The following FAM83G variants were observed in gnomAD, a reference collection of about 807,000 sequenced individuals.
FAM83G encodes scaffolding CK1 anchoring protein G, also known as protein FAM83G.
A neutral mutation model predicts 61.5 loss-of-function variants in FAM83G; 38 were observed. The observed-to-expected ratio is 0.62, with a 90% CI of 0.48 to 0.81. FAM83G has a LOEUF of 0.81. Among genes scored for constraint, FAM83G ranks in the 30% least tolerant of loss-of-function variants. The pLI, the probability that FAM83G is intolerant of heterozygous loss-of-function variation, is 0.00. For synonymous variants in FAM83G, 470 were observed against 476.1 expected (o/e 0.99, Z 0.17); for missense variants, 989 against 1,133.6 (o/e 0.87, Z 1.83).
Position 18,969,621 on chromosome 17 carries a change from GC to G in FAM83G, c.*1737del. ...TCAGGGACTGCCCTGGCTGGTAGAGGCTACCCACCCTGCTGCCCCGCTGTTA... is the reference window on the plus strand; with the variant it reads ...TCAGGGACTGCCCTGGCTGGTAGAGGTACCCACCCTGCTGCCCCGCTGTTA... On this transcript the variant is annotated 3_prime_UTR_variant, in exon 6 of 6. Coordinates refer to ENST00000388995, the MANE Select transcript of FAM83G (RefSeq NM_001039999.3). 1 of 536,670 alleles carries G rather than the reference GC, an allele frequency of 1.9e-6. No homozygotes were observed. Among genetic ancestry groups the G allele is most frequent in the Non-Finnish European group, 3.3e-6 (1 of 305,900 alleles). The allele number at this position is 536,670 out of a possible 1,614,324, so 33.2% of individuals were successfully genotyped here.
At chr17:18,986,780 G>A (rs2043281311) in intron 3 of FAM83G, among the ~76,000 whole-genome samples, 1 of 152,256 alleles carries the variant, frequency 6.6e-6, no homozygotes. Flanking sequence ...TGGGCCTGGG[G>A]CAGGGGTACG....
chr17:18,996,083 CA>C lies in FAM83G; in HGVS notation c.522+7436del, dbSNP rs914977991. Among the ~76,000 whole-genome samples, 30 of 150,278 alleles carry C rather than the reference CA, an allele frequency of 2.0e-4. 1 individual carries two copies. The highest frequency in any genetic ancestry group is 2.0e-3 in the Admixed American group (30 of 15,060). ...GGAACAAAGTAAGTGGACTTCTCAT[CA>C]GAATCACTGCAAGCCACAAGACAAC... On this transcript the variant is annotated intron_variant, in intron 2 of 5. Coordinates refer to ENST00000388995, the MANE Select transcript of FAM83G (RefSeq NM_001039999.3). The surrounding 1 kb of genome is among the most constrained non-coding windows in gnomAD (Gnocchi z 4.4).
rs561246041 is a variant in FAM83G, at chr17:18,971,125, CAT to C, written c.*232_*233del. The C allele has an allele frequency of 4.4e-4, 709 of 1,614,128 alleles. No homozygotes were observed. The highest frequency in any genetic ancestry group is 5.3e-4 in the South Asian group (48 of 91,086). On this transcript the variant is annotated 3_prime_UTR_variant, in exon 6 of 6. Transcript: ENST00000388995. The surrounding 1 kb of genome is among the most constrained non-coding windows in gnomAD (Gnocchi z 5.5). Reference sequence around the variant, plus strand: ...ACCTGCCACGTACAGACGCCATGCACATGTTTCGAGACCCCCACACAGGGGAC... The same window carrying C: ...ACCTGCCACGTACAGACGCCATGCACGTTTCGAGACCCCCACACAGGGGAC...
chr17:18,969,842 T>G lies in FAM83G; in HGVS notation c.*1517A>C, dbSNP rs2042796263. ...AATGCCAAGAGGTGATGCTACCTCC[T>G]GCAGGACAAAGGCCAGGGAGGAAAG... On this transcript the variant is annotated 3_prime_UTR_variant, in exon 6 of 6. Coordinates refer to ENST00000388995, the MANE Select transcript of FAM83G (RefSeq NM_001039999.3). The G allele has an allele frequency of 1.2e-5, 2 of 168,318 alleles. No individual in the cohort carries two copies. The highest frequency in any genetic ancestry group is 2.5e-5 in the Non-Finnish European group (2 of 78,968). 10.4% of individuals were successfully genotyped at this position (168,318 alleles called of 1,614,324 possible). A position where few individuals can be genotyped will look rare whatever the true frequency, so the allele number is the denominator to read the frequency against.
intron 3 of FAM83G, among the ~76,000 whole-genome samples, chr17:18,980,422 A>G (rs1361359148): frequency 6.6e-6 from 1 of 152,108 alleles, no homozygotes; most frequent in Non-Finnish European, 1.5e-5. Context: ...CCCAAGGAGA[A>G]GAGGGCTCCT....
At chr17:18,986,754 A>C (rs1442166322) in intron 3 of FAM83G, among the ~76,000 whole-genome samples, 1 of 152,204 alleles carries the variant, frequency 6.6e-6, no homozygotes, top group Non-Finnish European at 1.5e-5. Flanking sequence ...CGCTGGGGGA[A>C]GTGCAAAGCA....
chr17:18,972,016 G>C (rs1002389720), intron 5 of FAM83G, among the ~76,000 whole-genome samples: 1 of 152,208 alleles, frequency 6.6e-6, no homozygotes, highest in Non-Finnish European at 1.5e-5. Context: ...TTCCGACACA[G>C]GCCTGGGACG....
At chr17:18,981,181 A>G (rs1475727222) in intron 3 of FAM83G, among the ~76,000 whole-genome samples, 2 of 152,152 alleles carry the variant, frequency 1.3e-5, no homozygotes, top group African/African-American at 4.8e-5. Context: ...ATCGCAGAGG[A>G]GTAGCCTGAA....
rs1047514208 is a variant in FAM83G, at chr17:18,969,247, A to C, written c.*2112T>G. ...CCCTACAGGCCCGAGGGAGCAGCCC[A>C]GGAAGTGGCCCCAGCAGGAGCCCCA... On this transcript the variant is annotated 3_prime_UTR_variant, in exon 6 of 6. Transcript: ENST00000388995. 4.4e-6 allele frequency: 7 copies of C among 1,576,996 alleles called. 1 individual carries two copies. The highest frequency in any genetic ancestry group is 3.4e-5 in the Admixed American group (2 of 58,466).
In FAM83G at chr17:18,969,393, T is replaced by G. The variant is rs780644827; in HGVS notation, c.*1966A>C. The G allele has an allele frequency of 5.0e-6, 8 of 1,613,518 alleles. No individual in the cohort carries two copies. The South Asian group carries it at 8.8e-5, about 18-fold the overall frequency. On this transcript the variant is annotated 3_prime_UTR_variant, in exon 6 of 6. Coordinates refer to ENST00000388995, the MANE Select transcript of FAM83G (RefSeq NM_001039999.3). ...GACGCCCTGCAGACGCTCATCATGG[T>G]GGTGGGGGCTGTCATCCTGACAATC...
intron 2 of FAM83G, among the ~76,000 whole-genome samples, chr17:18,991,936 G>A (rs1597875367): frequency 6.6e-6 from 1 of 152,134 alleles, no homozygotes. Flanking sequence ...GATGGCCCAA[G>A]ATGGCAGGGT....
chr17:18,984,364 GC>G (rs1314401642), intron 3 of FAM83G, among the ~76,000 whole-genome samples: 1 of 146,492 alleles, frequency 6.8e-6, no homozygotes, highest in African/African-American at 2.6e-5. Flanking sequence ...AGAGAACCCT[GC>G]CTTATACCCT....
intron 3 of FAM83G, among the ~76,000 whole-genome samples, chr17:18,985,925 G>A (rs915553407): frequency 6.6e-6 from 1 of 152,242 alleles, no homozygotes; most frequent in African/African-American, 2.4e-5. Context: ...GATTTAGAAT[G>A]TGTGGTTCTT....
chr17:18,978,826 C>G lies in FAM83G; in HGVS notation c.840G>C (p.Thr280=), dbSNP rs1234232137. 9 of 1,612,368 alleles carry G rather than the reference C, an allele frequency of 5.6e-6. No homozygotes were observed. Among genetic ancestry groups the G allele is most frequent in the Admixed American group, 3.3e-5 (2 of 59,994 alleles). Residue 280 remains threonine (T), a synonymous_variant, in exon 5 of 6, where the codon ACG becomes ACC. Transcript: ENST00000388995. ...ACAGCACAGAGATCACATTCCGGTC[C>G]GTCCGCGCGGCCGACCACGTGAAGC... ...SYSFTWSAAR[T]DRNVISVLSG...
Position 18,980,008 on chromosome 17 carries a change from G to A in FAM83G, c.691-335C>T, listed in dbSNP as rs188879699. On this transcript the variant is annotated intron_variant, in intron 3 of 5. Coordinates refer to ENST00000388995, the MANE Select transcript of FAM83G (RefSeq NM_001039999.3). ...GCCAGCCAGCTTGGGAAATGCTGCC[G>A]TGGGTGGTGGATGCTATGGTGGGGT... Among the ~76,000 whole-genome samples the A allele has an allele frequency of 7.9e-5, 12 of 152,302 alleles. No individual in the cohort carries two copies. The East Asian group carries it at 1.9e-3, about 25-fold the overall frequency.
intron 3 of FAM83G, among the ~76,000 whole-genome samples, chr17:18,984,312 G>A (rs981144411): frequency 7.5e-6 from 1 of 132,772 alleles, no homozygotes; most frequent in Non-Finnish European, 1.5e-5. Context: ...CAGCCTGGGC[G>A]ACAGAGCAAG....
rs893302853 is a variant in FAM83G, at chr17:18,970,116, A to C, written c.*1243T>G. ...AGCCTCACACAAACCCTCGGTCTGA[A>C]TACAGAGCCTGACCTGAGCTCCATG... is the stretch of plus-strand genomic sequence containing the variant. On this transcript the variant is annotated 3_prime_UTR_variant, in exon 6 of 6. Coordinates refer to ENST00000388995, the MANE Select transcript of FAM83G (RefSeq NM_001039999.3). 1 of 152,254 alleles carries C rather than the reference A, an allele frequency of 6.6e-6. No individual in the cohort carries two copies. Among genetic ancestry groups the C allele is most frequent in the Non-Finnish European group, 1.5e-5 (1 of 68,074 alleles). The allele number at this position is 152,254 out of a possible 1,614,324, so 9.4% of individuals were successfully genotyped here.
intron 2 of FAM83G, among the ~76,000 whole-genome samples, chr17:18,994,515 G>A (rs952430803): frequency 6.6e-6 from 1 of 152,198 alleles, no homozygotes; most frequent in African/African-American, 2.4e-5. Flanking sequence ...GCACACGAAC[G>A]TGAGGAAACT....
At position 19,003,701 on chromosome 17, in the gene FAM83G, A is replaced by C. The variant is rs1282418175; in HGVS notation, c.341T>G (p.Leu114Arg). 10 of 1,606,960 alleles carry C rather than the reference A, an allele frequency of 6.2e-6. No individual in the cohort carries two copies. Among genetic ancestry groups the C allele is most frequent in the Non-Finnish European group, 8.5e-6 (10 of 1,176,678 alleles). Reference sequence around the variant, plus strand: ...CTGGGGCCAGTACTCCAGGGAGGGCAGCGGCTCGGCCTCGATGGGGACCCC... The same window carrying C: ...CTGGGGCCAGTACTCCAGGGAGGGCCGCGGCTCGGCCTCGATGGGGACCCC... ...ADGVPIEAEPLPSLEYWPQKS... is the reference protein window; with the variant it reads ...ADGVPIEAEPRPSLEYWPQKS... Residue 114 changes from leucine (L) to arginine (R), a missense_variant, in exon 2 of 6, where the codon CTG becomes CGG. Around this residue, in one of 3 missense-constraint regions of FAM83G, gnomAD observed 371 missense variants for 404.5 expected, o/e 0.92. Transcript: ENST00000388995. The surrounding 1 kb of genome is among the most constrained non-coding windows in gnomAD (Gnocchi z 4.5).
Sources: allele counts gnomAD v4.1 joint callset (sites outside exome capture counted in the v4.1 genomes callset), GRCh38; gene constraint gnomAD v4.1.1; regional missense constraint gnomAD v4.1.1; non-coding constraint Gnocchi (gnomAD v3.1); transcripts MANE v1.5; gene names NCBI Gene and HGNC (gene_info 2026-07-23, HGNC 2026-07-21).